MEI4: variants seen among roughly 807,000 people sequenced by gnomAD.
The protein encoded by MEI4 is meiotic double-stranded break formation protein 4, also known as meiosis-specific protein MEI4.
A neutral mutation model predicts 31.4 loss-of-function variants in MEI4; 27 were observed. The ratio of observed to expected loss-of-function variants is 0.86; its 90% CI spans 0.63 to 1.19. The LOEUF (loss-of-function observed/expected upper bound fraction) is 1.19. Ranked by LOEUF, MEI4 falls within the 50% of genes most tolerant of loss-of-function variation. The pLI is 0.00. For missense variants in MEI4, 329 were observed against 398.9 expected (o/e 0.82, Z 1.49); for synonymous variants, 122 against 145.4 (o/e 0.84, Z 1.16).
intron 4 of MEI4, among the ~76,000 whole-genome samples, chr6:77,903,430 C>G (rs946989647): frequency 1.3e-5 from 2 of 152,102 alleles, no homozygotes; most frequent in Admixed American, 6.6e-5. Flanking sequence ...GTGTTCTGAG[C>G]ATACTTAAGG....
At chr6:77,770,277 A>C (rs1463866640) in intron 3 of MEI4, among the ~76,000 whole-genome samples, 1 of 152,078 alleles carries the variant, frequency 6.6e-6, no homozygotes, top group Non-Finnish European at 1.5e-5. Flanking sequence ...ACCATGAAGA[A>C]ATTTAAAGCC....
chr6:77,821,799 CAAAA>C (rs34905460), intron 3 of MEI4, among the ~76,000 whole-genome samples: 55 of 93,032 alleles, frequency 5.9e-4, no homozygotes, highest in East Asian at 1.5e-3. Context: ...GCCATCTCTC[CAAAA>C]AAAAAAAAAA....
At chr6:77,682,955 G>T (rs1360115770) in intron 1 of MEI4, among the ~76,000 whole-genome samples, 3 of 152,194 alleles carry the variant, frequency 2.0e-5, no homozygotes, top group Non-Finnish European at 4.4e-5. Flanking sequence ...CTAGGAGGCA[G>T]AATTCTCATT....
rs372051993 is a variant in MEI4, at chr6:77,782,540, G to A, written c.768+20875G>A. On this transcript the variant is annotated intron_variant, in intron 3 of 4. Coordinates refer to ENST00000684080, the MANE Select transcript of MEI4 (RefSeq NM_001322247.2). ...GGAGACTTTATTCCAGTATGATTGCGATATTGGCCAGATGACATTGAGCCT... is the reference window on the plus strand; with the variant it reads ...GGAGACTTTATTCCAGTATGATTGCAATATTGGCCAGATGACATTGAGCCT... Among the ~76,000 whole-genome samples, 23 of 152,206 alleles carry A rather than the reference G, an allele frequency of 1.5e-4. No homozygotes were observed. The South Asian group carries it at 4.8e-3, about 32-fold the overall frequency.
At chr6:77,683,988 A>G (rs1562204767) in intron 1 of MEI4, among the ~76,000 whole-genome samples, 1 of 152,134 alleles carries the variant, frequency 6.6e-6, no homozygotes, top group Admixed American at 6.6e-5. Flanking sequence ...GTACTAATTT[A>G]TATTCTCACC....
intron 4 of MEI4, among the ~76,000 whole-genome samples, chr6:77,853,127 G>A (rs776107026): frequency 1.3e-5 from 2 of 152,174 alleles, no homozygotes; most frequent in Admixed American, 6.5e-5. Flanking sequence ...CAACCCGCGA[G>A]GTGGAGGTTG....
intron 2 of MEI4, among the ~76,000 whole-genome samples, chr6:77,739,894 G>T (rs1220508095): frequency 6.6e-6 from 1 of 152,028 alleles, no homozygotes; most frequent in African/African-American, 2.4e-5. Context: ...TTGATGTTAG[G>T]TTATTAAATT....
At chr6:77,865,917 G>T (rs1409245352) in intron 4 of MEI4, among the ~76,000 whole-genome samples, 48 of 151,978 alleles carry the variant, frequency 3.2e-4, no homozygotes, top group Admixed American at 3.1e-3. Flanking sequence ...ATGCAAGGCT[G>T]GTTCAACATA....
At chr6:77,697,168 T>G (rs1045339803) in intron 2 of MEI4, among the ~76,000 whole-genome samples, 1 of 152,202 alleles carries the variant, frequency 6.6e-6, no homozygotes, top group Non-Finnish European at 1.5e-5. Flanking sequence ...TTCTTCTTTA[T>G]TAGTGTTGCT....
chr6:77,744,823 T>A (rs1039513053), intron 2 of MEI4, among the ~76,000 whole-genome samples: 2 of 152,174 alleles, frequency 1.3e-5, no homozygotes, highest in African/African-American at 4.8e-5. Context: ...TTCAACATTC[T>A]TAAAGGAAAG....
At chr6:77,664,172 G>A (rs1768574325) in intron 1 of MEI4, among the ~76,000 whole-genome samples, 2 of 152,142 alleles carry the variant, frequency 1.3e-5, no homozygotes, top group African/African-American at 2.4e-5. Context: ...CCTTGAAGGC[G>A]AGGTTAATTA....
chr6:77,734,064 G>C (rs1420354162), intron 2 of MEI4, among the ~76,000 whole-genome samples: 1 of 151,908 alleles, frequency 6.6e-6, no homozygotes, highest in Non-Finnish European at 1.5e-5. Context: ...GGTCAGTTTT[G>C]GAATAGGTGT....
chr6:77,922,574 G>GCAT (rs1766728657), intron 4 of MEI4, among the ~76,000 whole-genome samples: 2 of 151,598 alleles, frequency 1.3e-5, no homozygotes, highest in African/African-American at 4.8e-5. Context: ...TCTACAAGAT[G>GCAT]CATCTACATT....
At chr6:77,769,108 A>C (rs1184348871) in intron 3 of MEI4, among the ~76,000 whole-genome samples, 2 of 152,300 alleles carry the variant, frequency 1.3e-5, no homozygotes, top group African/African-American at 4.8e-5. Context: ...GAAGAGGGCA[A>C]GAAAATCTGT....
intron 3 of MEI4, among the ~76,000 whole-genome samples, chr6:77,794,214 A>G (rs1320047772): frequency 6.6e-6 from 1 of 152,198 alleles, no homozygotes; most frequent in Non-Finnish European, 1.5e-5. Context: ...AATTCACTGT[A>G]TAATGTTAAA....
chr6:77,767,618 G>T (rs1582121011), intron 3 of MEI4, among the ~76,000 whole-genome samples: 1 of 151,806 alleles, frequency 6.6e-6, no homozygotes. Flanking sequence ...GATTGCTTGA[G>T]CCCAGGAGGC....
intron 4 of MEI4, among the ~76,000 whole-genome samples, chr6:77,892,669 C>T (rs1420119173): frequency 6.6e-6 from 1 of 152,146 alleles, no homozygotes. Context: ...GGCTATAGGA[C>T]ACTGCATGGG....
chr6:77,658,637 C>G (rs929307452), intron 1 of MEI4, among the ~76,000 whole-genome samples: 3 of 151,688 alleles, frequency 2.0e-5, no homozygotes, highest in African/African-American at 7.3e-5. Flanking sequence ...GAAGGGAGGT[C>G]TTGTGGTAAA....
chr6:77,834,740 G>A (rs986357732), intron 4 of MEI4, among the ~76,000 whole-genome samples: 13 of 152,146 alleles, frequency 8.5e-5, no homozygotes, highest in Admixed American at 2.0e-4. Context: ...CAGCACTAGA[G>A]GGTAAAGATT....
Sources: allele counts gnomAD v4.1 joint callset (sites outside exome capture counted in the v4.1 genomes callset), GRCh38; gene constraint gnomAD v4.1.1; transcripts MANE v1.5; gene names NCBI Gene and HGNC (gene_info 2026-07-23, HGNC 2026-07-21).